KDM4B: variants seen among roughly 807,000 people sequenced by gnomAD.
KDM4B encodes lysine-specific demethylase 4B.
In KDM4B, 32 loss-of-function variants were observed where a neutral mutation model predicts 125.2. The ratio of observed to expected loss-of-function variants is 0.26; its 90% CI spans 0.19 to 0.34. The LOEUF is 0.34. Among genes scored for constraint, KDM4B ranks in the 10% least tolerant of loss-of-function variants. The pLI is 1.00. For synonymous variants in KDM4B, 721 were observed against 677.9 expected, an observed-to-expected ratio of 1.06 and a Z score of -0.99; for missense variants, 1,190 against 1,577.7, an observed-to-expected ratio of 0.75 and a Z score of 4.16.
chr19:5,148,978 A>T lies in KDM4B; in HGVS notation c.3022-1380A>T, dbSNP rs566867531. ...CGTCCCAGGACACGGCCCAGAGGCA[A>T]CCGGCCATCTGAGAGTCCACACTGG... On this transcript the variant is annotated intron_variant, in intron 21 of 22. Coordinates refer to ENST00000159111, the MANE Select transcript of KDM4B (RefSeq NM_015015.3). 3.3e-5 allele frequency among the ~76,000 whole-genome samples: 5 copies of T among 152,330 alleles called. No homozygotes were observed. In the South Asian group the frequency reaches 1.0e-3, roughly 32 times the overall value.
Position 5,035,531 on chromosome 19 carries a change from C to T in KDM4B, c.141+2500C>T, listed in dbSNP as rs935120777. 9.9e-5 allele frequency among the ~76,000 whole-genome samples: 15 copies of T among 152,104 alleles called. No individual in the cohort carries two copies. Among genetic ancestry groups the T allele is most frequent in the Non-Finnish European group, 7.4e-5 (5 of 67,994 alleles). On this transcript the variant is annotated intron_variant, in intron 3 of 22. Transcript: ENST00000159111. This position sits in a 1 kb window ranked among gnomAD's most constrained non-coding sequence, Gnocchi z 5.3. ...CTGGGTTCCCGGGTGGCCTGTCCTC[C>T]CCCGCGCTGGCACCTCCGCTTCGTC...
chr19:5,090,534 G>A (rs1217953943), intron 9 of KDM4B, among the ~76,000 whole-genome samples: 2 of 24,734 alleles, frequency 8.1e-5, no homozygotes, highest in Middle Eastern at 0.02. Context: ...CTCTTTCCCC[G>A]CTCCCCCTCT....
chr19:5,135,160 C>G (rs1227550529), intron 14 of KDM4B, among the ~76,000 whole-genome samples, 179 bp from the exon 15 acceptor site: 1 of 152,210 alleles, frequency 6.6e-6, no homozygotes, highest in Non-Finnish European at 1.5e-5. Context: ...GTTTGGGGAT[C>G]CTGACTTTCT....
chr19:5,137,172 C>T, intron 15 of KDM4B, 90 bp from the exon 16 acceptor site: 2 of 868,614 alleles, frequency 2.3e-6, no homozygotes, highest in South Asian at 3.0e-5. Context: ...CACTGGCCCC[C>T]AAGTTACCCG....
At chr19:5,026,858 C>T (rs2036294771) in intron 2 of KDM4B, among the ~76,000 whole-genome samples, 2 of 151,810 alleles carry the variant, frequency 1.3e-5, no homozygotes, top group South Asian at 4.1e-4. Flanking sequence ...CCCTGGTGTC[C>T]CCATAGGAGC....
intron 1 of KDM4B, among the ~76,000 whole-genome samples, chr19:5,003,556 C>T (rs558480976): frequency 4.3e-4 from 66 of 152,162 alleles, no homozygotes; most frequent in Non-Finnish European, 8.8e-4. Context: ...CACCTGTAAT[C>T]CTAGCACTTT....
chr19:5,007,873 G>A (rs1599401552), intron 1 of KDM4B, among the ~76,000 whole-genome samples: 1 of 152,110 alleles, frequency 6.6e-6, no homozygotes, highest in East Asian at 1.9e-4. Context: ...ACTTTCTTGA[G>A]GTCTTTGCAA....
chr19:5,103,100 G>A (rs1296155583), intron 9 of KDM4B, among the ~76,000 whole-genome samples: 1 of 152,150 alleles, frequency 6.6e-6, no homozygotes, highest in African/African-American at 2.4e-5. Flanking sequence ...CCCCCTTTTG[G>A]AAGGCACTGC....
intron 10 of KDM4B, chr19:5,112,075 A>G (rs1400913404): frequency 2.1e-6 from 1 of 465,584 alleles, no homozygotes; most frequent in Non-Finnish European, 3.9e-6. Flanking sequence ...CAACATATTG[A>G]GATGCCATCT....
intron 8 of KDM4B, among the ~76,000 whole-genome samples, chr19:5,079,835 G>A (rs970065901): frequency 1.0e-4 from 15 of 143,292 alleles, no homozygotes; most frequent in Non-Finnish European, 1.4e-4. Flanking sequence ...CCAAAATGCT[G>A]GGATTACAGG....
At chr19:4,972,219 C>T (rs2034284645) in intron 1 of KDM4B, among the ~76,000 whole-genome samples, 2 of 152,202 alleles carry the variant, frequency 1.3e-5, no homozygotes, top group Admixed American at 1.3e-4. Context: ...GCCCTCTGTC[C>T]CATGCCCCAC....
At chr19:5,005,236 C>A (rs2035520686) in intron 1 of KDM4B, among the ~76,000 whole-genome samples, 1 of 151,546 alleles carries the variant, frequency 6.6e-6, no homozygotes, top group Non-Finnish European at 1.5e-5. Flanking sequence ...GGCCAGGTGG[C>A]ACAAGTATGG....
At chr19:4,986,181 T>C (rs992383318) in intron 1 of KDM4B, among the ~76,000 whole-genome samples, 3 of 152,146 alleles carry the variant, frequency 2.0e-5, no homozygotes, top group African/African-American at 7.2e-5. Flanking sequence ...CCGTGTGCCA[T>C]GGCGCTCGCC....
intron 11 of KDM4B, among the ~76,000 whole-genome samples, chr19:5,129,454 A>G (rs1050140382): frequency 6.6e-6 from 1 of 152,210 alleles, no homozygotes; most frequent in Non-Finnish European, 1.5e-5. Context: ...GGTGGGTTTT[A>G]TAGCAAGTGG....
intron 1 of KDM4B, among the ~76,000 whole-genome samples, chr19:5,009,786 C>T (rs2035673121): frequency 6.6e-6 from 1 of 151,892 alleles, no homozygotes; most frequent in African/African-American, 2.4e-5. Context: ...GGCTGGAGTG[C>T]AGGGGCGCCA....
At chr19:5,005,045 C>G (rs1325394728) in intron 1 of KDM4B, among the ~76,000 whole-genome samples, 2 of 152,204 alleles carry the variant, frequency 1.3e-5, no homozygotes, top group Non-Finnish European at 2.9e-5. Context: ...TCTGCGCGCT[C>G]TGTGTGTGCC....
In KDM4B at chr19:5,007,544, T is replaced by C. The variant is rs60864967; in HGVS notation, c.-108-8713T>C. On this transcript the variant is annotated intron_variant, in intron 1 of 22. Coordinates refer to ENST00000159111, the MANE Select transcript of KDM4B (RefSeq NM_015015.3). The stretch of plus-strand genomic sequence containing the variant: ...TTGTCTTTTCACTTTCTCTCTCTCT[T>C]TTTTTTTTTTTTTTTTTTTGAGACA... Among the ~76,000 whole-genome samples, 96 of 21,736 alleles carry C rather than the reference T, an allele frequency of 4.4e-3. 1 individual carries two copies. Among genetic ancestry groups the C allele is most frequent in the South Asian group, 0.034 (23 of 674 alleles). The allele number at this position is 21,736 out of a possible 152,430, so 14.3% of individuals were successfully genotyped here.
chr19:4,980,289 C>T (rs2034590709), intron 1 of KDM4B, among the ~76,000 whole-genome samples: 1 of 152,002 alleles, frequency 6.6e-6, no homozygotes, highest in African/African-American at 2.4e-5. Flanking sequence ...TCTGGATTGG[C>T]CTGTCCTGAA....
At position 5,135,370 on chromosome 19, in the gene KDM4B, C is replaced by G. The variant is rs2039630218; in HGVS notation, c.2117C>G (p.Ala706Gly). The change falls in exon 15 of 23, where the codon GCC becomes GGC. Residue 706 changes from alanine to glycine, a missense_variant. Transcript: ENST00000159111. ...CAGACTGAGAAGGAGGCACCCATAG[C>G]CTCCCTCGGAGAGGGCTGCCCGGCC... ...ALQTEKEAPI[A>G]SLGEGCPATL... 3.1e-6 allele frequency: 5 copies of G among 1,613,374 alleles called. No homozygotes were observed. The highest frequency in any genetic ancestry group is 3.4e-6 in the Non-Finnish European group (4 of 1,179,882).
Sources: gnomAD v4.1 joint callset for allele counts (sites outside exome capture counted in the v4.1 genomes callset) on GRCh38, gnomAD v4.1.1 for gene constraint, Gnocchi (gnomAD v3.1) non-coding constraint, MANE v1.5 for transcripts, NCBI Gene and HGNC (gene_info 2026-07-23, HGNC 2026-07-21) for gene names.